The following COL4A5 variants were observed in gnomAD, a reference collection of about 807,000 sequenced individuals.
COL4A5 encodes the protein collagen alpha-5(IV) chain.
In COL4A5, 26 loss-of-function variants were observed where a neutral mutation model predicts 130.2. The ratio of observed to expected loss-of-function variants is 0.20; its 90% CI spans 0.15 to 0.28. The LOEUF (loss-of-function observed/expected upper bound fraction) is 0.28, where lower values mean the gene tolerates loss of function less well. Among genes scored for constraint, COL4A5 ranks in the 10% least tolerant of loss-of-function variants. The probability of loss-of-function intolerance (pLI) is 1.00; values close to 1 mark genes in which losing one functional copy is unlikely to be tolerated. For synonymous variants in COL4A5, 496 were observed against 439.6 expected (o/e 1.13, Z -1.60); for missense variants, 1,131 against 1,344.3 (o/e 0.84, Z 2.48).
intron 36 of COL4A5, among the ~76,000 whole-genome samples, chrX:108,640,763 C>T (rs2067448032): frequency 9.0e-6 from 1 of 111,613 alleles, no homozygotes; most frequent in Admixed American, 9.5e-5. Flanking sequence ...TATTTTGATA[C>T]TCTAAAAAGC....
At chrX:108,525,245 C>A (rs967590755) in intron 1 of COL4A5, among the ~76,000 whole-genome samples, 11 of 111,355 alleles carry the variant, frequency 9.9e-5, no homozygotes, top group African/African-American at 3.3e-4. Context: ...TATAAAATTC[C>A]TCTCTCTATC....
chrX:108,571,369 T>A (rs746564764), intron 6 of COL4A5, 44 bp from the exon 7 acceptor site: 12 of 974,399 alleles, frequency 1.2e-5, no homozygotes, highest in Admixed American at 2.2e-5. Context: ...TAGTTATTCT[T>A]TGTTTCTTGT....
chrX:108,624,931 C>G (rs754971475), intron 34 of COL4A5, among the ~76,000 whole-genome samples: 2 of 111,232 alleles, frequency 1.8e-5, no homozygotes, highest in African/African-American at 6.5e-5. Context: ...GAGCAGCAGT[C>G]CCCATTCTTA....
intron 1 of COL4A5, among the ~76,000 whole-genome samples, chrX:108,467,616 T>A (rs2064719269): frequency 8.9e-6 from 1 of 111,992 alleles, no homozygotes; most frequent in African/African-American, 3.3e-5. Context: ...ATATTAAGTC[T>A]TCCAATCCAG....
In COL4A5 at chrX:108,489,970, T is replaced by C. The variant is rs766196453; in HGVS notation, c.81+49764T>C. 4.5e-5 allele frequency among the ~76,000 whole-genome samples: 5 copies of C among 111,773 alleles called. No individual in the cohort carries two copies. The South Asian group carries it at 1.9e-3, about 42-fold the overall frequency. On this transcript the variant is annotated intron_variant, in intron 1 of 52. Transcript: ENST00000328300. ...ATTTAAATTTTTATTGAGATATTTG[T>C]GGATTCATATGTAGCTCTAAGAAAT...
intron 22 of COL4A5, among the ~76,000 whole-genome samples, chrX:108,596,347 A>C (rs2066517217): frequency 8.9e-6 from 1 of 112,237 alleles, no homozygotes; most frequent in South Asian, 3.7e-4. Flanking sequence ...TTGAGAGTGC[A>C]TCACCTGGAG....
chrX:108,478,923 A>G (rs1351865670), intron 1 of COL4A5, among the ~76,000 whole-genome samples: 1 of 111,965 alleles, frequency 8.9e-6, no homozygotes, highest in Admixed American at 9.4e-5. Context: ...ACCCCGAGGA[A>G]TGGTGCCATA....
At chrX:108,509,497 G>T (rs1319403513) in intron 1 of COL4A5, among the ~76,000 whole-genome samples, 1 of 111,700 alleles carries the variant, frequency 9.0e-6, no homozygotes, top group East Asian at 2.8e-4. Context: ...AGTGGCCAAA[G>T]GACATAAACA....
chrX:108,540,343 A>C (rs1459599086), intron 2 of COL4A5, among the ~76,000 whole-genome samples: 1 of 112,264 alleles, frequency 8.9e-6, no homozygotes, highest in Non-Finnish European at 1.9e-5. Context: ...AAAAACACTT[A>C]AGAAGGAAAC....
At chrX:108,564,512 A>G (rs1040918662) in intron 4 of COL4A5, among the ~76,000 whole-genome samples, 2 of 112,374 alleles carry the variant, frequency 1.8e-5, no homozygotes, top group African/African-American at 6.5e-5. Flanking sequence ...TACATTTAGT[A>G]TAATTTTTTC....
chrX:108,583,416 G>A (rs745475412), intron 17 of COL4A5, among the ~76,000 whole-genome samples: 1 of 111,637 alleles, frequency 9.0e-6, no homozygotes, highest in African/African-American at 3.2e-5. Flanking sequence ...TCTGACTGAG[G>A]TCATTTATTT....
At chrX:108,558,010 G>T (rs2065848944) in intron 2 of COL4A5, among the ~76,000 whole-genome samples, 2 of 106,741 alleles carry the variant, frequency 1.9e-5, no homozygotes, top group Non-Finnish European at 3.9e-5. Context: ...GTGCCATGTT[G>T]GTGTGCTGCA....
At chrX:108,655,771 A>G (rs1039121110) in intron 37 of COL4A5, among the ~76,000 whole-genome samples, 2 of 112,407 alleles carry the variant, frequency 1.8e-5, no homozygotes, top group Non-Finnish European at 3.8e-5. Flanking sequence ...GTAATAATAT[A>G]TACTTCCAAG....
rs200831487 is a variant in COL4A5 at position 108,644,921 on chromosome X, A to AC, written c.3247-10410_3247-10409insC. On this transcript the variant is annotated intron_variant, in intron 36 of 52. Coordinates refer to ENST00000328300, the MANE Select transcript of COL4A5 (RefSeq NM_033380.3). ...TCTCCAAACAACAACAACAACAACA[A>AC]AAAAAAAAAAAAAAAAGAAAGCAAA... Among the ~76,000 whole-genome samples, 643 of 85,906 alleles carry AC rather than the reference A, an allele frequency of 7.5e-3. 19 individuals are homozygous for AC. Among genetic ancestry groups the AC allele is most frequent in the Admixed American group, 0.056 (459 of 8,190 alleles). 74.6% of individuals were successfully genotyped at this position (85,906 alleles called of 115,157 possible). A position where few individuals can be genotyped will look rare whatever the true frequency, so the allele number is the denominator to read the frequency against.
At chrX:108,450,254 T>C (rs2064494865) in intron 1 of COL4A5, among the ~76,000 whole-genome samples, 1 of 111,889 alleles carries the variant, frequency 8.9e-6, no homozygotes, top group South Asian at 3.7e-4. Context: ...GATTTTTGCA[T>C]GGAACGCTTT....
Position 108,451,811 on chromosome X carries a change from T to C in COL4A5, c.81+11605T>C, listed in dbSNP as rs756743880. Among the ~76,000 whole-genome samples, 212 of 111,115 alleles carry C rather than the reference T, an allele frequency of 1.9e-3. 2 individuals carry two copies. The East Asian group carries it at 0.056, about 30-fold the overall frequency. On this transcript the variant is annotated intron_variant, in intron 1 of 52. Transcript: ENST00000328300. ...TTTGTAGGTTGCCTGTTCACTCTGA[T>C]GGTAGTTTCTTTTGCCGTGCAGAAA...
chrX:108,619,875 T>C (rs772580425), intron 30 of COL4A5, among the ~76,000 whole-genome samples: 13 of 112,566 alleles, frequency 1.2e-4, no homozygotes, highest in Non-Finnish European at 2.1e-4. Context: ...TAGAAACTTT[T>C]ATAGCAATTT....
At chrX:108,519,255 C>T (rs1481122829) in intron 1 of COL4A5, among the ~76,000 whole-genome samples, 4 of 110,877 alleles carry the variant, frequency 3.6e-5, no homozygotes, top group African/African-American at 9.8e-5. Context: ...GTAGCCAGGT[C>T]GAAGATAACT....
chrX:108,629,634 C>G (rs1470853752), intron 36 of COL4A5, among the ~76,000 whole-genome samples: 2 of 111,249 alleles, frequency 1.8e-5, no homozygotes, highest in East Asian at 5.7e-4. Flanking sequence ...TGAGAAAGAT[C>G]AGGAGCATAG....
Sources: gnomAD v4.1 joint callset for allele counts (sites outside exome capture counted in the v4.1 genomes callset) on GRCh38, gnomAD v4.1.1 for gene constraint, MANE v1.5 for transcripts, NCBI Gene and HGNC (gene_info 2026-07-23, HGNC 2026-07-21) for gene names.